The following GLYATL1 variants were observed in gnomAD, a reference collection of about 807,000 sequenced individuals.
GLYATL1 encodes the protein glycine-N-acyltransferase like 1.
A neutral mutation model predicts 20.0 loss-of-function variants in GLYATL1; 15 were observed. That is an observed-to-expected ratio of 0.75 (90% CI 0.50 to 1.15). The LOEUF (loss-of-function observed/expected upper bound fraction) is 1.15, where lower values mean the gene tolerates loss of function less well. Among genes scored for constraint, GLYATL1 ranks in the 50% most tolerant of loss-of-function variants. The probability of loss-of-function intolerance (pLI) is 0.00; values close to 1 mark genes in which losing one functional copy is unlikely to be tolerated. For missense variants in GLYATL1, 380 were observed against 368.5 expected (o/e 1.03, Z -0.26); for synonymous variants, 151 against 131.5 (o/e 1.15, Z -1.01).
At chr11:58,939,753 A>G (rs928622190) in intron 1 of GLYATL1, 103 bp downstream of exon 1, 4 of 152,236 alleles carry the variant, frequency 2.6e-5, no homozygotes, top group African/African-American at 4.8e-5. Context: ...CAACTGACGA[A>G]GAGAGGAAAA....
At chr11:58,946,476 A>G (rs1816105098) in intron 2 of GLYATL1, among the ~76,000 whole-genome samples, 1 of 152,234 alleles carries the variant, frequency 6.6e-6, no homozygotes, top group Admixed American at 6.5e-5. Context: ...ATTCTGAATG[A>G]TATTTCAACA....
chr11:58,912,700 A>T, downstream of GLYATL1, among the ~76,000 whole-genome samples: 1 of 152,134 alleles, frequency 6.6e-6, no homozygotes, highest in East Asian at 1.9e-4. Flanking sequence ...TTCCAATTTG[A>T]CAGAAAACAG....
At chr11:58,954,480 T>C (rs1210781085) in intron 4 of GLYATL1, among the ~76,000 whole-genome samples, 2 of 152,160 alleles carry the variant, frequency 1.3e-5, no homozygotes, top group Non-Finnish European at 2.9e-5. Context: ...TGAGGCATCT[T>C]AAGGCCTGGT....
At chr11:58,931,800 A>G (rs1274207629) in intron 1 of GLYATL1, among the ~76,000 whole-genome samples, 2 of 152,212 alleles carry the variant, frequency 1.3e-5, no homozygotes, top group Non-Finnish European at 2.9e-5. Flanking sequence ...TATGTCTACA[A>G]TATTAAATTA....
exon 1 of GLYATL1, chr11:58,905,556 C>T: frequency 2.2e-6 from 1 of 456,346 alleles, no homozygotes; most frequent in Non-Finnish European, 4.4e-6. Context: ...CCAGGCATCT[C>T]CCATACCCAC....
chr11:58,908,429 C>T (rs778534292), exon 2 of GLYATL1: 1 of 167,016 alleles, frequency 6.0e-6, no homozygotes, highest in Non-Finnish European at 1.3e-5. Flanking sequence ...CCATTTTTTC[C>T]ACTAGTAGAA....
chr11:58,930,134 A>G (rs1353589967), intron 1 of GLYATL1, among the ~76,000 whole-genome samples: 1 of 152,176 alleles, frequency 6.6e-6, no homozygotes, highest in Non-Finnish European at 1.5e-5. Context: ...TTTAGTTTTA[A>G]TTAGTGGAAA....
At chr11:58,930,329 C>G (rs750091866) in intron 1 of GLYATL1, among the ~76,000 whole-genome samples, 37 of 152,154 alleles carry the variant, frequency 2.4e-4, no homozygotes, top group Non-Finnish European at 4.3e-4. Context: ...TACAGGAGTG[C>G]TCACAATTAC....
chr11:58,947,894 C>A lies in GLYATL1; in HGVS notation c.115C>A (p.Pro39Thr). The change falls in exon 4 of 7, where the codon CCC (proline) becomes ACC (threonine). Residue 39 changes from proline to threonine, a missense_variant. Pro to Thr is a conservative substitution (Grantham distance 38). Coordinates refer to ENST00000532726, the MANE Select transcript of GLYATL1 (RefSeq NM_001389712.2). The part of the protein sequence containing the change: ...GSVYHINHGN[P>T]FNMEVLVDSW... ...TGTGTATCACATCAATCACGGGAAC[C>A]CCTTCAACATGGAGGTGCTGGTGGA... is the stretch of plus-strand genomic sequence containing the variant. The A allele has an allele frequency of 6.2e-7, 1 of 1,613,946 alleles. No individual in the cohort carries two copies. Among genetic ancestry groups the A allele is most frequent in the Non-Finnish European group, 8.5e-7 (1 of 1,179,858 alleles).
At chr11:58,908,217 C>G (rs1193425001) in exon 2 of GLYATL1, 2 of 152,166 alleles carry the variant, frequency 1.3e-5, no homozygotes, top group Admixed American at 6.5e-5. Flanking sequence ...GCCTGTTTCC[C>G]CTCCCTGAGA....
chr11:58,948,656 CA>C (rs35288916), intron 4 of GLYATL1, among the ~76,000 whole-genome samples: 10 of 148,278 alleles, frequency 6.7e-5, no homozygotes, highest in African/African-American at 9.9e-5. Context: ...TTTTGTTTTT[CA>C]AAAAAAAAAG....
At chr11:58,924,739 A>T (rs76888015), upstream of GLYATL1, among the ~76,000 whole-genome samples, 6,259 of 152,282 alleles carry the variant, frequency 0.041, 403 homozygotes, top group African/African-American at 0.14. Flanking sequence ...TTCCAGTCTA[A>T]GAGTGACCGG....
chr11:58,951,723 A>AT (rs1463026903), intron 4 of GLYATL1, among the ~76,000 whole-genome samples: 1 of 151,832 alleles, frequency 6.6e-6, no homozygotes, highest in East Asian at 1.9e-4. Flanking sequence ...AAACTAAGTG[A>AT]TTTTTCCATT....
chr11:58,936,238 A>G (rs1050040029), upstream of GLYATL1, among the ~76,000 whole-genome samples: 23 of 152,248 alleles, frequency 1.5e-4, no homozygotes, highest in African/African-American at 5.3e-4. Flanking sequence ...TAATTCAACT[A>G]AAGTCTCAAG....
At chr11:58,930,076 A>T (rs942520001) in intron 1 of GLYATL1, among the ~76,000 whole-genome samples, 1 of 151,988 alleles carries the variant, frequency 6.6e-6, no homozygotes, top group East Asian at 1.9e-4. Context: ...TGGTGGCCAG[A>T]GTAGAAGCTC....
chr11:58,921,304 C>G (rs1025079059), intron 1 of GLYATL1, among the ~76,000 whole-genome samples: 6 of 152,174 alleles, frequency 3.9e-5, no homozygotes, highest in African/African-American at 1.4e-4. Flanking sequence ...CCTTATAGGT[C>G]AGGTCACTAC....
chr11:58,947,232 G>A (rs1427157053), intron 3 of GLYATL1, 67 bp downstream of exon 3: 25 of 1,553,264 alleles, frequency 1.6e-5, no homozygotes, highest in Non-Finnish European at 2.1e-5. Context: ...TAGCAGGCTT[G>A]TGATTCTAGT....
chr11:58,956,026 A>G lies in GLYATL1; in HGVS notation c.908A>G (p.Ter303TrpextTer14). ...TCYPQNLVPF[*>W] is the part of the protein sequence containing the mutation. ...TACCCACAGAATCTAGTTCCATTTT[A>G]GACAATGAAGCTGCTTAGTAATCTC... Residue 303 changes from the stop codon to tryptophan, a stop_lost, in exon 7 of 7, where the codon TAG (stop) becomes TGG (tryptophan). Coordinates refer to ENST00000532726, the MANE Select transcript of GLYATL1 (RefSeq NM_001389712.2). The G allele has an allele frequency of 1.9e-6, 3 of 1,608,302 alleles. No homozygotes were observed. Among genetic ancestry groups the G allele is most frequent in the Non-Finnish European group, 2.6e-6 (3 of 1,175,372 alleles).
Position 58,955,722 on chromosome 11 carries a change from A to C in GLYATL1, c.604A>C (p.Ile202Leu), listed in dbSNP as rs1225644941. 2 of 1,614,226 alleles carry C rather than the reference A, an allele frequency of 1.2e-6. No homozygotes were observed. The highest frequency in any genetic ancestry group is 1.7e-5 in the Admixed American group (1 of 60,020). Residue 202 changes from isoleucine (I) to leucine (L), a missense_variant, in exon 7 of 7, where the codon ATA (isoleucine) becomes CTA (leucine). Ile to Leu is a conservative substitution (Grantham distance 5). Transcript: ENST00000532726. ...GAGCCTGCATTACATCAAGCGCTGC[A>C]TAGAAGACCTGCCAGCAGCCTGTAT... ...ERSLHYIKRCIEDLPAACMLG... is the reference protein window; with the variant it reads ...ERSLHYIKRCLEDLPAACMLG...
Sources: gnomAD v4.1 joint callset for allele counts (sites outside exome capture counted in the v4.1 genomes callset) on GRCh38, gnomAD v4.1.1 for gene constraint, MANE v1.5 for transcripts, NCBI Gene and HGNC (gene_info 2026-07-23, HGNC 2026-07-21) for gene names.